Variants in STAT4 observed in about 807,000 individuals in gnomAD.
STAT4 encodes the protein signal transducer and activator of transcription 4.
In STAT4, 42 loss-of-function variants were observed where a neutral mutation model predicts 110.5. The observed-to-expected ratio is 0.38, with a 90% CI of 0.30 to 0.49. STAT4 has a LOEUF of 0.49. Ranked by LOEUF, STAT4 falls within the 20% of genes least tolerant of loss-of-function variation. STAT4 has a pLI of 0.95. For missense variants in STAT4, 632 were observed against 887.9 expected, an observed-to-expected ratio of 0.71 and a Z score of 3.66; for synonymous variants, 284 against 302.2, an observed-to-expected ratio of 0.94 and a Z score of 0.63.
chr2:191,056,347 G>T (rs1358627098), intron 13 of STAT4, among the ~76,000 whole-genome samples: 1 of 152,164 alleles, frequency 6.6e-6, no homozygotes, highest in African/African-American at 2.4e-5. Flanking sequence ...GAGAACTCTA[G>T]GTCAAGAGGA....
At chr2:191,034,301 T>C (rs905146143) in intron 18 of STAT4, among the ~76,000 whole-genome samples, 1 of 151,582 alleles carries the variant, frequency 6.6e-6, no homozygotes, top group African/African-American at 2.4e-5. Context: ...TGGGTGCCTG[T>C]AGTCCCAGCT....
chr2:191,087,355 T>C (rs1436117919), intron 3 of STAT4, among the ~76,000 whole-genome samples: 1 of 152,152 alleles, frequency 6.6e-6, no homozygotes, highest in Non-Finnish European at 1.5e-5. Context: ...CTAAAGGAAA[T>C]TAAAATATTT....
At chr2:191,044,162 T>C (rs1696284580) in intron 14 of STAT4, among the ~76,000 whole-genome samples, 1 of 152,124 alleles carries the variant, frequency 6.6e-6, no homozygotes, top group Admixed American at 6.5e-5. Context: ...AAATGAATAA[T>C]ACAAGAAAAC....
At chr2:191,096,475 C>T (rs150243755) in intron 3 of STAT4, among the ~76,000 whole-genome samples, 2,180 of 152,220 alleles carry the variant, frequency 0.014, 53 homozygotes, top group African/African-American at 0.049. Context: ...ATATGCAAAT[C>T]GATAAACATA....
Position 191,104,025 on chromosome 2 carries a change from GTGTTCTAGGTATCAAGGCCTT to G in STAT4, c.274-27721_274-27701del, listed in dbSNP as rs1240351908. Among the ~76,000 whole-genome samples, 3 of 152,140 alleles carry G rather than the reference GTGTTCTAGGTATCAAGGCCTT, an allele frequency of 2.0e-5. No individual in the cohort carries two copies. Among genetic ancestry groups the G allele is most frequent in the Non-Finnish European group, 2.9e-5 (2 of 68,012 alleles). On this transcript the variant is annotated intron_variant, in intron 3 of 23. Transcript: ENST00000392320. This position sits in a 1 kb window ranked among gnomAD's most constrained non-coding sequence, Gnocchi z 4.3. ...GAGACTATGAGTAATAGGTTGCTAA[GTGTTCTAGGTATCAAGGCCTT>G]TGTGATAGCTTTTTGATGTACAATA...
At chr2:191,097,185 GCCATACTGCC>G (rs1698011662) in intron 3 of STAT4, among the ~76,000 whole-genome samples, 2 of 152,090 alleles carry the variant, frequency 1.3e-5, no homozygotes, top group Admixed American at 6.6e-5. Context: ...CGTGAAAATG[GCCATACTGCC>G]CAATATAATT....
chr2:191,101,021 C>G (rs115295464), intron 3 of STAT4, among the ~76,000 whole-genome samples: 74 of 152,078 alleles, frequency 4.9e-4, no homozygotes, highest in African/African-American at 1.7e-3. Flanking sequence ...CCTCTTTTAG[C>G]TTTGATTTCC....
chr2:191,125,397 A>C (rs1363032709), intron 3 of STAT4, among the ~76,000 whole-genome samples: 1 of 151,908 alleles, frequency 6.6e-6, no homozygotes, highest in Non-Finnish European at 1.5e-5. Context: ...TTCTTGACAG[A>C]AGTAGCCAAT....
intron 13 of STAT4, among the ~76,000 whole-genome samples, chr2:191,056,353 G>A (rs1368192868): frequency 2.6e-5 from 4 of 152,210 alleles, no homozygotes; most frequent in African/African-American, 7.2e-5. Context: ...TCTAGGTCAA[G>A]AGGAAGTGGT....
chr2:191,094,505 G>A (rs1381770826), intron 3 of STAT4, among the ~76,000 whole-genome samples: 1 of 152,094 alleles, frequency 6.6e-6, no homozygotes, highest in Admixed American at 6.6e-5. Flanking sequence ...CATAAGTGAA[G>A]GAGAAATAAA....
At chr2:191,094,917 C>CAGAAAAAA (rs1697921457) in intron 3 of STAT4, among the ~76,000 whole-genome samples, 1 of 77,920 alleles carries the variant, frequency 1.3e-5, no homozygotes, top group Non-Finnish European at 2.3e-5. Context: ...AAATGGAAAG[C>CAGAAAAAA]AAAAAAAAAA....
intron 3 of STAT4, among the ~76,000 whole-genome samples, chr2:191,089,672 G>T (rs1161574032): frequency 6.6e-6 from 1 of 152,090 alleles, no homozygotes; most frequent in Admixed American, 6.6e-5. Flanking sequence ...CCTCAAATAG[G>T]TGAATAGATA....
At position 191,115,636 on chromosome 2, in the gene STAT4, C is replaced by G. The variant is rs538089216; in HGVS notation, c.273+30977G>C. ...CGTTGTGTCTCATCAGGTCCTTAGT[C>G]ACCTATGACAATTGGACCGAATGCT... is the stretch of plus-strand genomic sequence containing the variant. On this transcript the variant is annotated intron_variant, in intron 3 of 23. Transcript: ENST00000392320. Among the ~76,000 whole-genome samples, 13 of 152,310 alleles carry G rather than the reference C, an allele frequency of 8.5e-5. 1 individual carries two copies. In the South Asian group the frequency reaches 2.7e-3, roughly 32 times the overall value.
Position 191,061,624 on chromosome 2 carries a change from A to G in STAT4, c.1034+105T>C. 9.2e-7 allele frequency: 1 copy of G among 1,089,124 alleles called. No homozygotes were observed. The highest frequency in any genetic ancestry group is 1.4e-6 in the Non-Finnish European group (1 of 707,056). The allele number at this position is 1,089,124 out of a possible 1,614,324, so 67.5% of individuals were successfully genotyped here. On this transcript the variant is annotated intron_variant, in intron 10 of 23. Coordinates refer to ENST00000392320, the MANE Select transcript of STAT4 (RefSeq NM_003151.4). The surrounding 1 kb of genome is among the most constrained non-coding windows in gnomAD (Gnocchi z 6.2). ...AGCTGGGCACACAGCAGATGGTTCA[A>G]TAAAGAACAGCTGAATGCAAGCCAC...
At chr2:191,108,600 G>A (rs1001915752) in intron 3 of STAT4, among the ~76,000 whole-genome samples, 3 of 152,190 alleles carry the variant, frequency 2.0e-5, no homozygotes, top group African/African-American at 7.2e-5. Flanking sequence ...AGCACTTCAT[G>A]CATGCAAGTT....
At chr2:191,065,771 C>T (rs965760870) in intron 7 of STAT4, among the ~76,000 whole-genome samples, 1 of 152,012 alleles carries the variant, frequency 6.6e-6, no homozygotes, top group Non-Finnish European at 1.5e-5. Context: ...AATTCCTGCA[C>T]AAAAAATTGA....
chr2:191,054,931 A>G (rs1179933254), intron 13 of STAT4, among the ~76,000 whole-genome samples: 2 of 152,200 alleles, frequency 1.3e-5, no homozygotes, highest in South Asian at 4.1e-4. Flanking sequence ...AAAATAAACT[A>G]CAGGGCAGTG....
rs1271035363 is a variant in STAT4, at chr2:191,035,065, T to C, written c.1571-468A>G. 6.6e-6 allele frequency among the ~76,000 whole-genome samples: 1 copy of C among 152,214 alleles called. No individual in the cohort carries two copies. The highest frequency in any genetic ancestry group is 1.5e-5 in the Non-Finnish European group (1 of 68,034). ...ATGTTGCCTATTAAGATGGAAAGAA[T>C]GGACTAGAAATCTATTAGATAGTAG... On this transcript the variant is annotated intron_variant, in intron 17 of 23. Transcript: ENST00000392320. The surrounding 1 kb of genome is among the most constrained non-coding windows in gnomAD (Gnocchi z 4.7).
At chr2:191,148,642 C>G (rs1699516624) in intron 1 of STAT4, among the ~76,000 whole-genome samples, 1 of 152,060 alleles carries the variant, frequency 6.6e-6, no homozygotes, top group Non-Finnish European at 1.5e-5. Context: ...GAACAACCCC[C>G]CAAGAAGCTT....
Sources: allele counts gnomAD v4.1 joint callset (sites outside exome capture counted in the v4.1 genomes callset), GRCh38; gene constraint gnomAD v4.1.1; non-coding constraint Gnocchi (gnomAD v3.1); transcripts MANE v1.5; gene names NCBI Gene and HGNC (gene_info 2026-07-23, HGNC 2026-07-21).